The following CEP85L variants were observed in gnomAD, a reference collection of about 807,000 sequenced individuals.
CEP85L encodes centrosomal protein of 85 kDa-like.
CEP85L carries 60 observed loss-of-function variants against 100.3 expected under a neutral mutation model. That is an observed-to-expected ratio of 0.60 (90% CI 0.49 to 0.74). The LOEUF (loss-of-function observed/expected upper bound fraction) is 0.74. Ranked by LOEUF, CEP85L falls within the 30% of genes least tolerant of loss-of-function variation. CEP85L has a pLI of 0.00. For synonymous variants in CEP85L, 319 were observed against 322.7 expected, an observed-to-expected ratio of 0.99 and a Z score of 0.12; for missense variants, 973 against 936.2, an observed-to-expected ratio of 1.04 and a Z score of -0.51.
intron 4 of CEP85L, among the ~76,000 whole-genome samples, chr6:118,513,897 T>A (rs1020736099): frequency 6.6e-6 from 1 of 152,082 alleles, no homozygotes; most frequent in Non-Finnish European, 1.5e-5. Context: ...TAAATCTCAT[T>A]AAAAGATCAT....
chr6:118,505,137 T>G (rs1332593313), intron 5 of CEP85L, among the ~76,000 whole-genome samples: 2 of 151,810 alleles, frequency 1.3e-5, no homozygotes, highest in Non-Finnish European at 2.9e-5. Flanking sequence ...ATTCATAAAT[T>G]TTCAAAAAGT....
At chr6:118,671,130 G>A (rs1776293915) in intron 1 of CEP85L, among the ~76,000 whole-genome samples, 1 of 152,098 alleles carries the variant, frequency 6.6e-6, no homozygotes, top group Non-Finnish European at 1.5e-5. Flanking sequence ...GTTATCGTAA[G>A]CAATTGGTTT....
intron 3 of CEP85L, among the ~76,000 whole-genome samples, chr6:118,527,498 G>C (rs926174877): frequency 2.6e-5 from 4 of 152,182 alleles, no homozygotes; most frequent in South Asian, 4.1e-4. Context: ...ACTGTTCTCA[G>C]ACTGTGAGAA....
chr6:118,480,033 C>T (rs1343647411), intron 9 of CEP85L, 112 bp from the exon 10 acceptor site: 4 of 655,714 alleles, frequency 6.1e-6, no homozygotes, highest in African/African-American at 3.9e-5. Flanking sequence ...TTAAAAGGGT[C>T]TTTTTAAAAA....
At chr6:118,523,577 A>G (rs1326100688) in intron 4 of CEP85L, among the ~76,000 whole-genome samples, 1 of 152,226 alleles carries the variant, frequency 6.6e-6, no homozygotes, top group Admixed American at 6.5e-5. Context: ...ATAATGAAAT[A>G]ATTCACTAAA....
At chr6:118,675,122 A>G (rs766188323) in intron 1 of CEP85L, among the ~76,000 whole-genome samples, 1 of 152,144 alleles carries the variant, frequency 6.6e-6, no homozygotes, top group Non-Finnish European at 1.5e-5. Context: ...GCACTCACAT[A>G]CAAGGGCATA....
intron 3 of CEP85L, among the ~76,000 whole-genome samples, chr6:118,547,135 T>C (rs1051747103): frequency 4.6e-5 from 7 of 152,056 alleles, no homozygotes; most frequent in Non-Finnish European, 1.5e-5. Context: ...TACAAGTACC[T>C]CCTCTAAAAT....
At chr6:118,655,285 TAAGA>T (rs1192612575), upstream of CEP85L, among the ~76,000 whole-genome samples, 2 of 152,120 alleles carry the variant, frequency 1.3e-5, no homozygotes, top group East Asian at 3.9e-4. Context: ...CAATAACCAA[TAAGA>T]AAGAAGGTAT....
intron 1 of CEP85L, among the ~76,000 whole-genome samples, chr6:118,633,541 T>C (rs1774309815): frequency 6.6e-6 from 1 of 152,176 alleles, no homozygotes; most frequent in Admixed American, 6.5e-5. Flanking sequence ...TTTAGCTAAT[T>C]TAAGGTTTTT....
chr6:118,587,476 C>A (rs1369477126), intron 2 of CEP85L, among the ~76,000 whole-genome samples: 1 of 152,184 alleles, frequency 6.6e-6, no homozygotes, highest in South Asian at 2.1e-4. Context: ...GGGTGATATA[C>A]AAGGATAGAA....
chr6:118,672,609 T>C (rs147261237), intron 1 of CEP85L, among the ~76,000 whole-genome samples: 1 of 152,068 alleles, frequency 6.6e-6, no homozygotes, highest in Non-Finnish European at 1.5e-5. Context: ...CTACAAAAAA[T>C]GCAAAACTTA....
chr6:118,596,638 G>C (rs1781470968), intron 2 of CEP85L, among the ~76,000 whole-genome samples: 1 of 151,620 alleles, frequency 6.6e-6, no homozygotes, highest in Non-Finnish European at 1.5e-5. Flanking sequence ...TTATATTCAG[G>C]TAATATCTTA....
intron 2 of CEP85L, among the ~76,000 whole-genome samples, chr6:118,610,549 T>C (rs1772539407): frequency 6.6e-6 from 1 of 152,166 alleles, no homozygotes; most frequent in South Asian, 2.1e-4. Flanking sequence ...CTGGGAATCC[T>C]GGACTTCCAT....
At chr6:118,488,982 G>T (rs1479590196) in intron 6 of CEP85L, among the ~76,000 whole-genome samples, 1 of 152,088 alleles carries the variant, frequency 6.6e-6, no homozygotes, top group Non-Finnish European at 1.5e-5. Context: ...AAATGAATGG[G>T]AGTGGCTGGG....
intron 2 of CEP85L, among the ~76,000 whole-genome samples, chr6:118,629,004 C>T (rs1583193475): frequency 6.6e-6 from 1 of 152,164 alleles, no homozygotes; most frequent in Admixed American, 6.5e-5. Context: ...TCCACATCTG[C>T]AGACTCAACC....
intron 3 of CEP85L, among the ~76,000 whole-genome samples, chr6:118,540,752 T>C (rs1234746620): frequency 3.2e-5 from 4 of 123,738 alleles, no homozygotes; most frequent in Non-Finnish European, 6.7e-5. Flanking sequence ...CGAGACCCCA[T>C]CTTAAATAAA....
upstream of CEP85L, chr6:118,651,756 C>T (rs1775585121): frequency 5.1e-6 from 5 of 986,740 alleles, no homozygotes; most frequent in Non-Finnish European, 6.0e-6. Flanking sequence ...GCCTCCTTGG[C>T]GGCGACTGGG....
At chr6:118,578,243 C>A (rs1780356435) in intron 2 of CEP85L, among the ~76,000 whole-genome samples, 1 of 152,160 alleles carries the variant, frequency 6.6e-6, no homozygotes, top group Admixed American at 6.5e-5. Context: ...TGTCCAAACA[C>A]CCCTTAAACT....
intron 1 of CEP85L, among the ~76,000 whole-genome samples, chr6:118,702,774 A>T (rs1483051032): frequency 2.0e-5 from 3 of 152,166 alleles, no homozygotes; most frequent in African/African-American, 7.2e-5. Context: ...AGGCAGGCGG[A>T]TCACGAAGTC....
Sources: gnomAD v4.1 joint callset for allele counts (sites outside exome capture counted in the v4.1 genomes callset) on GRCh38, gnomAD v4.1.1 for gene constraint, MANE v1.5 for transcripts, NCBI Gene and HGNC (gene_info 2026-07-23, HGNC 2026-07-21) for gene names.